Variants in ANKS1B observed in about 807,000 individuals in gnomAD.
ANKS1B encodes the protein ankyrin repeat and sterile alpha motif domain containing 1B.
ANKS1B carries 36 observed loss-of-function variants against 148.3 expected under a neutral mutation model. The observed-to-expected ratio is 0.24, with a 90% CI of 0.19 to 0.32. The LOEUF (loss-of-function observed/expected upper bound fraction) is 0.32, where lower values mean the gene tolerates loss of function less well. Among genes scored for constraint, ANKS1B ranks in the 10% least tolerant of loss-of-function variants. The pLI is 1.00. For missense variants in ANKS1B, 1,157 were observed against 1,542.6 expected (o/e 0.75, Z 4.19); for synonymous variants, 542 against 560.8 (o/e 0.97, Z 0.47).
chr12:99,757,204 A>T (rs1006345232), intron 8 of ANKS1B, among the ~76,000 whole-genome samples: 12 of 152,150 alleles, frequency 7.9e-5, no homozygotes, highest in African/African-American at 2.4e-4. Context: ...TATGCATCCA[A>T]CAAAGGTCTA....
chr12:99,603,460 C>A lies in ANKS1B; in HGVS notation c.1272+51607G>T, dbSNP rs1029701055. ...AGAAACCATGCCAGTTATTGCAAAG[C>A]GGGCTTTATTGGCTCCATAATGTCA... is the stretch of plus-strand genomic sequence containing the variant. On this transcript the variant is annotated intron_variant, in intron 9 of 26. Transcript: ENST00000683438. Among the ~76,000 whole-genome samples, 3 of 151,996 alleles carry A rather than the reference C, an allele frequency of 2.0e-5. 1 individual carries two copies. The highest frequency in any genetic ancestry group is 4.4e-5 in the Non-Finnish European group (3 of 67,988).
chr12:99,648,527 C>T, intron 9 of ANKS1B: 2 of 1,614,164 alleles, frequency 1.2e-6, no homozygotes, highest in South Asian at 1.1e-5. Flanking sequence ...TTAGAACTAA[C>T]CAGGCTGCTT....
chr12:99,669,964 T>C (rs1414835998), intron 8 of ANKS1B, among the ~76,000 whole-genome samples: 1 of 152,182 alleles, frequency 6.6e-6, no homozygotes, highest in Non-Finnish European at 1.5e-5. Flanking sequence ...GGGATCACAG[T>C]CCTGTCTTTT....
chr12:98,782,008 T>C, intron 23 of ANKS1B, 118 bp downstream of exon 23: 3 of 864,296 alleles, frequency 3.5e-6, no homozygotes, highest in Non-Finnish European at 5.4e-6. Flanking sequence ...CTCTATAATT[T>C]AGTATGTGCC....
intron 15 of ANKS1B, among the ~76,000 whole-genome samples, chr12:99,091,875 C>T (rs916714848): frequency 2.0e-5 from 3 of 152,152 alleles, no homozygotes; most frequent in Non-Finnish European, 2.9e-5. Flanking sequence ...CTACCTCTAG[C>T]AGGAATCATG....
At chr12:98,802,285 A>T (rs777817654) in intron 20 of ANKS1B, among the ~76,000 whole-genome samples, 2 of 152,234 alleles carry the variant, frequency 1.3e-5, no homozygotes, top group African/African-American at 2.4e-5. Context: ...AAGTGTGTTG[A>T]CACACTGTGG....
At chr12:98,936,672 T>C (rs1303735653) in intron 17 of ANKS1B, among the ~76,000 whole-genome samples, 1 of 152,134 alleles carries the variant, frequency 6.6e-6, no homozygotes, top group Non-Finnish European at 1.5e-5. Flanking sequence ...TAGCTCTCTG[T>C]TAACTAAGGC....
At chr12:99,461,901 C>T (rs1019528111) in intron 10 of ANKS1B, among the ~76,000 whole-genome samples, 1 of 152,182 alleles carries the variant, frequency 6.6e-6, no homozygotes, top group Non-Finnish European at 1.5e-5. Context: ...ATACAATGTC[C>T]AATCACTTCC....
At position 99,718,774 on chromosome 12, in the gene ANKS1B, C is replaced by T. The variant is rs529007603; in HGVS notation, c.1128+54148G>A. ...ACATGCTTTCTTTACTATGCCTTTG[C>T]ACCCTTCATCCCAGCCTTTCTTCGC... On this transcript the variant is annotated intron_variant, in intron 8 of 26. Coordinates refer to ENST00000683438, the MANE Select transcript of ANKS1B (RefSeq NM_001352186.2). Among the ~76,000 whole-genome samples, 4 of 152,290 alleles carry T rather than the reference C, an allele frequency of 2.6e-5. No individual in the cohort carries two copies. The East Asian group carries it at 5.8e-4, about 22-fold the overall frequency.
At chr12:98,778,560 T>C (rs2098703024) in intron 24 of ANKS1B, among the ~76,000 whole-genome samples, 1 of 152,220 alleles carries the variant, frequency 6.6e-6, no homozygotes, top group Admixed American at 6.5e-5. Flanking sequence ...AGTTTATCAA[T>C]CTGCTCCTTT....
Position 98,799,893 on chromosome 12 carries a change from A to T in ANKS1B, c.3271-888T>A, listed in dbSNP as rs185184610. On this transcript the variant is annotated intron_variant, in intron 21 of 26. Coordinates refer to ENST00000683438, the MANE Select transcript of ANKS1B (RefSeq NM_001352186.2). ...CCAAAGAGCTCTATATATGTTTTTT[A>T]AAAAAGTGAATTACAATAATTATTT... Among the ~76,000 whole-genome samples, 1,362 of 149,054 alleles carry T rather than the reference A, an allele frequency of 9.1e-3. 18 individuals carry two copies. Among genetic ancestry groups the T allele is most frequent in the African/African-American group, 0.032 (1,303 of 40,422 alleles).
At chr12:99,344,112 T>C (rs567265738) in intron 12 of ANKS1B, among the ~76,000 whole-genome samples, 31 of 152,154 alleles carry the variant, frequency 2.0e-4, no homozygotes, top group African/African-American at 7.2e-4. Context: ...CACATGAGTC[T>C]TATTAGGTCA....
intron 1 of ANKS1B, among the ~76,000 whole-genome samples, chr12:99,953,941 G>A (rs968873018): frequency 6.6e-6 from 1 of 151,764 alleles, no homozygotes; most frequent in Admixed American, 6.6e-5. Context: ...TGGAACAGCT[G>A]GTCTGGTAAA....
intron 1 of ANKS1B, among the ~76,000 whole-genome samples, chr12:99,967,587 C>T (rs1009412755): frequency 1.3e-5 from 2 of 151,948 alleles, no homozygotes; most frequent in African/African-American, 4.8e-5. Context: ...TTACATTCTG[C>T]TTCTTCTTTC....
intron 1 of ANKS1B, among the ~76,000 whole-genome samples, chr12:99,873,164 A>G (rs2153730191): frequency 6.6e-6 from 1 of 152,290 alleles, no homozygotes; most frequent in Middle Eastern, 3.4e-3. Context: ...GGCTATTATT[A>G]TTATCACCAT....
intron 12 of ANKS1B, chr12:99,341,021 T>C (rs1371430315): frequency 6.6e-6 from 1 of 152,128 alleles, no homozygotes; most frequent in Non-Finnish European, 1.5e-5. Flanking sequence ...TAATAAATCA[T>C]GAAACTGTCT....
At chr12:99,264,585 G>A (rs922287040) in intron 12 of ANKS1B, among the ~76,000 whole-genome samples, 1 of 152,034 alleles carries the variant, frequency 6.6e-6, no homozygotes, top group South Asian at 2.1e-4. Context: ...TAGCATTTTG[G>A]AAAATGCTCT....
In ANKS1B at chr12:99,319,838, C is replaced by T. The variant is rs542366576; in HGVS notation, c.1757-72974G>A. Among the ~76,000 whole-genome samples, 89 of 152,234 alleles carry T rather than the reference C, an allele frequency of 5.8e-4. 1 individual carries two copies. Among genetic ancestry groups the T allele is most frequent in the African/African-American group, 1.6e-3 (67 of 41,540 alleles). ...TTTGCAGTGGCTGGTACCGGTTGTT[C>T]CTTTCCATGTTTAGTGCTTCCTTCA... On this transcript the variant is annotated intron_variant, in intron 12 of 26. Coordinates refer to ENST00000683438, the MANE Select transcript of ANKS1B (RefSeq NM_001352186.2).
chr12:99,257,707 T>C (rs2075433675), intron 12 of ANKS1B, among the ~76,000 whole-genome samples: 1 of 152,184 alleles, frequency 6.6e-6, no homozygotes, highest in Admixed American at 6.5e-5. Flanking sequence ...CTTTTCAAGG[T>C]ATTTAGAAAT....
Sources: allele counts gnomAD v4.1 joint callset (sites outside exome capture counted in the v4.1 genomes callset), GRCh38; gene constraint gnomAD v4.1.1; transcripts MANE v1.5; gene names NCBI Gene and HGNC (gene_info 2026-07-23, HGNC 2026-07-21).